EFCAB6: variants seen among roughly 807,000 people sequenced by gnomAD.
EFCAB6 encodes EF-hand calcium binding domain 6, also known as EF-hand calcium-binding domain-containing protein 6.
Under a neutral mutation model 169.8 loss-of-function variants are expected in EFCAB6, and 156 were observed. The observed-to-expected ratio is 0.92, with a 90% CI of 0.81 to 1.05. The LOEUF (loss-of-function observed/expected upper bound fraction) is 1.05, where lower values mean the gene tolerates loss of function less well. Among genes scored for constraint, EFCAB6 ranks in the 50% least tolerant of loss-of-function variants. EFCAB6 has a pLI of 0.00. For synonymous variants in EFCAB6, 698 were observed against 676.4 expected, an observed-to-expected ratio of 1.03 and a Z score of -0.50; for missense variants, 1,800 against 1,829.1, an observed-to-expected ratio of 0.98 and a Z score of 0.29.
At chr22:43,756,417 C>A (rs1233252967) in intron 5 of EFCAB6, among the ~76,000 whole-genome samples, 2 of 152,164 alleles carry the variant, frequency 1.3e-5, no homozygotes, top group Admixed American at 1.3e-4. Flanking sequence ...TGCATCTATA[C>A]CGTCCCTGGG....
intron 10 of EFCAB6, among the ~76,000 whole-genome samples, chr22:43,696,991 C>T (rs533513035): frequency 6.6e-6 from 1 of 152,188 alleles, no homozygotes; most frequent in East Asian, 1.9e-4. Flanking sequence ...GGACAAAGGA[C>T]ATAAACAATT....
chr22:43,537,526 A>C lies in EFCAB6; in HGVS notation c.3899T>G (p.Val1300Gly), dbSNP rs746315605. Residue 1300 changes from valine (V) to glycine (G), a missense_variant, in exon 29 of 32, where the codon GTG becomes GGG. Physicochemically the swap from Val to Gly is moderately radical, Grantham distance 109. Transcript: ENST00000262726. The surrounding 1 kb of genome is among the most constrained non-coding windows in gnomAD (Gnocchi z 4.3). ...CTGCAAGGGTGGAGTGCCCGGGATC[A>C]CGGTGGTGCTCGCTGGAGTCTAGCA... ...SHPCTPASTT[V>G]IPGTPPLQNC... 6.2e-7 allele frequency: 1 copy of C among 1,613,904 alleles called. No homozygotes were observed. Among genetic ancestry groups the C allele is most frequent in the South Asian group, 1.1e-5 (1 of 91,036 alleles).
In EFCAB6 at chr22:43,532,829, G is replaced by T. The variant is rs796622663; in HGVS notation, c.4233+1859C>A. ...GGGGTGAGTGGGAGCGGGGCCAGGT[G>T]GGGGGTGGGGCCAGGGCCAGGGCTT... is the stretch of plus-strand genomic sequence containing the variant. On this transcript the variant is annotated intron_variant, in intron 30 of 31. Transcript: ENST00000262726. Among the ~76,000 whole-genome samples, 80 of 152,306 alleles carry T rather than the reference G, an allele frequency of 5.3e-4. 1 individual carries two copies. The highest frequency in any genetic ancestry group is 1.9e-3 in the African/African-American group (78 of 41,548).
At chr22:43,555,124 C>A (rs759387348) in intron 26 of EFCAB6, 28 bp from the exon 27 acceptor site, 1 of 1,611,500 alleles carries the variant, frequency 6.2e-7, no homozygotes, top group East Asian at 2.2e-5. Flanking sequence ...GAAATTGATC[C>A]ATGTGAGAAA....
intron 20 of EFCAB6, 146 bp downstream of exon 20, chr22:43,626,301 C>A: frequency 2.5e-6 from 2 of 786,892 alleles, no homozygotes; most frequent in South Asian, 3.8e-5. Flanking sequence ...GTGCATATTT[C>A]TTGTATGACT....
intron 29 of EFCAB6, chr22:43,536,828 C>T (rs898861240): frequency 6.5e-6 from 1 of 152,728 alleles, no homozygotes; most frequent in African/African-American, 2.4e-5. Context: ...GACAGTAAGA[C>T]CCTGTTTCAA....
chr22:43,651,379 C>A (rs1344407981), intron 17 of EFCAB6, among the ~76,000 whole-genome samples: 2 of 152,232 alleles, frequency 1.3e-5, no homozygotes, highest in Non-Finnish European at 2.9e-5. Context: ...TGTGAGTGCA[C>A]AGAAGTCAAG....
In EFCAB6 at chr22:43,778,910, G is replaced by A. The variant is rs182418788; in HGVS notation, c.139+3270C>T. ...CATTACTTTTTTTTTTTAATTGCAA[G>A]ACAAGTGAAGAAGAAAAGGTAACTT... On this transcript the variant is annotated intron_variant, in intron 3 of 31. Transcript: ENST00000262726. 5.7e-4 allele frequency among the ~76,000 whole-genome samples: 86 copies of A among 151,602 alleles called. 3 individuals carry two copies. The East Asian group carries it at 0.016, about 28-fold the overall frequency.
chr22:43,559,209 A>G (rs2048886084), intron 26 of EFCAB6, among the ~76,000 whole-genome samples: 1 of 152,246 alleles, frequency 6.6e-6, no homozygotes, highest in African/African-American at 2.4e-5. Flanking sequence ...AAGGATATGA[A>G]CAGACACTTC....
At chr22:43,791,693 G>T (rs931308747) in intron 2 of EFCAB6, among the ~76,000 whole-genome samples, 3 of 152,200 alleles carry the variant, frequency 2.0e-5, no homozygotes, top group Admixed American at 2.0e-4. Flanking sequence ...TAGTAACAAT[G>T]TTGGGGGAAT....
At chr22:43,531,169 T>G (rs578011066) in intron 30 of EFCAB6, among the ~76,000 whole-genome samples, 14 of 152,274 alleles carry the variant, frequency 9.2e-5, no homozygotes, top group African/African-American at 3.4e-4. Context: ...GTGGGCTGTT[T>G]AAAAACGTGT....
chr22:43,653,560 C>G (rs1031683566), intron 17 of EFCAB6, among the ~76,000 whole-genome samples: 2 of 152,090 alleles, frequency 1.3e-5, no homozygotes, highest in Non-Finnish European at 2.9e-5. Context: ...AGAAAAAAGA[C>G]AAACTGCAAA....
chr22:43,783,225 T>C (rs118174511), intron 2 of EFCAB6, among the ~76,000 whole-genome samples: 7,995 of 152,296 alleles, frequency 0.052, 344 homozygotes, highest in South Asian at 0.15. Context: ...AAATCATGGC[T>C]ACCTGAATAG....
chr22:43,632,330 G>A (rs113492845), intron 18 of EFCAB6, 92 bp from the exon 19 acceptor site: 79 of 1,430,170 alleles, frequency 5.5e-5, no homozygotes, highest in Admixed American at 7.6e-5. Flanking sequence ...ACGGAGTCTC[G>A]CTCTTGTTGC....
intron 17 of EFCAB6, among the ~76,000 whole-genome samples, chr22:43,660,078 C>G (rs937108488): frequency 3.3e-5 from 5 of 152,164 alleles, no homozygotes; most frequent in African/African-American, 1.2e-4. Context: ...CAACAGTGAG[C>G]TGAACAATGT....
At chr22:43,762,755 C>T (rs1158846995) in intron 5 of EFCAB6, among the ~76,000 whole-genome samples, 1 of 152,006 alleles carries the variant, frequency 6.6e-6, no homozygotes, top group East Asian at 1.9e-4. Context: ...ACAAGTTTCA[C>T]AATAAGGAAA....
intron 28 of EFCAB6, among the ~76,000 whole-genome samples, chr22:43,539,641 C>T (rs971971935): frequency 3.3e-5 from 5 of 152,188 alleles, no homozygotes; most frequent in African/African-American, 1.2e-4. Context: ...GGGCTCCAGG[C>T]TGTGCAATTT....
intron 3 of EFCAB6, among the ~76,000 whole-genome samples, chr22:43,777,184 G>C (rs1210157726): frequency 1.3e-5 from 2 of 152,208 alleles, no homozygotes; most frequent in Non-Finnish European, 2.9e-5. Flanking sequence ...ATAAATGACA[G>C]TGTCACTGCT....
Position 43,795,268 on chromosome 22 carries a change from C to T in EFCAB6, c.-7-12943G>A, listed in dbSNP as rs920803335. Among the ~76,000 whole-genome samples the T allele has an allele frequency of 6.6e-6, 1 of 152,198 alleles. No homozygotes were observed. The highest frequency in any genetic ancestry group is 1.5e-5 in the Non-Finnish European group (1 of 68,038). ...GAGAACAAGTACAGTGGGGCATACA[C>T]TATGAATACAACGATATAAAAATAT... On this transcript the variant is annotated intron_variant, in intron 2 of 31. Transcript: ENST00000262726. This position sits in a 1 kb window ranked among gnomAD's most constrained non-coding sequence, Gnocchi z 4.2.
Sources: allele counts gnomAD v4.1 joint callset (sites outside exome capture counted in the v4.1 genomes callset), GRCh38; gene constraint gnomAD v4.1.1; non-coding constraint Gnocchi (gnomAD v3.1); transcripts MANE v1.5; gene names NCBI Gene and HGNC (gene_info 2026-07-23, HGNC 2026-07-21).